Variants in SOX5 observed in about 807,000 individuals in gnomAD.
The protein encoded by SOX5 is SRY-box transcription factor 5.
In SOX5, 9 loss-of-function variants were observed where a neutral mutation model predicts 92.0. That is an observed-to-expected ratio of 0.10 (90% CI 0.06 to 0.17). The LOEUF (loss-of-function observed/expected upper bound fraction) is 0.17, where lower values mean the gene tolerates loss of function less well. Among genes scored for constraint, SOX5 ranks in the 10% least tolerant of loss-of-function variants. The pLI is 1.00. For synonymous variants in SOX5, 344 were observed against 336.3 expected, an observed-to-expected ratio of 1.02 and a Z score of -0.25; for missense variants, 642 against 944.5, an observed-to-expected ratio of 0.68 and a Z score of 4.20.
intron 1 of SOX5, among the ~76,000 whole-genome samples, chr12:24,528,647 C>T (rs370418195): frequency 6.6e-6 from 1 of 152,174 alleles, no homozygotes; most frequent in African/African-American, 2.4e-5. Flanking sequence ...ATTGCGAGAG[C>T]GCAGAATCGA....
At chr12:23,570,490 T>C (rs1455267600) in intron 10 of SOX5, among the ~76,000 whole-genome samples, 1 of 152,092 alleles carries the variant, frequency 6.6e-6, no homozygotes, top group East Asian at 1.9e-4. Flanking sequence ...ATTTTGCTTA[T>C]TAAAAACCTG....
intron 4 of SOX5, among the ~76,000 whole-genome samples, chr12:24,102,358 A>T (rs1355607513): frequency 6.6e-6 from 1 of 152,210 alleles, no homozygotes; most frequent in Non-Finnish European, 1.5e-5. Flanking sequence ...TCCCTGGAAA[A>T]TGTCTCTGCC....
chr12:24,004,649 G>A (rs1168748424), intron 4 of SOX5, among the ~76,000 whole-genome samples: 7 of 152,042 alleles, frequency 4.6e-5, no homozygotes, highest in Admixed American at 3.3e-4. Context: ...GGAAACCAGC[G>A]CCTGCATATA....
intron 1 of SOX5, among the ~76,000 whole-genome samples, chr12:23,944,747 T>A (rs896105370): frequency 6.6e-6 from 1 of 152,156 alleles, no homozygotes; most frequent in Non-Finnish European, 1.5e-5. Context: ...AAGACTTTGT[T>A]ATGTTTTTGT....
intron 1 of SOX5, among the ~76,000 whole-genome samples, chr12:24,414,300 T>C (rs2136835390): frequency 6.6e-6 from 1 of 152,326 alleles, no homozygotes; most frequent in Admixed American, 6.5e-5. Flanking sequence ...TGGTTAAATG[T>C]CTAAATTGCC....
intron 4 of SOX5, among the ~76,000 whole-genome samples, chr12:24,129,857 TAGA>T (rs748889217): frequency 2.0e-5 from 3 of 152,234 alleles, no homozygotes; most frequent in Non-Finnish European, 2.9e-5. Flanking sequence ...AAGCCAACGT[TAGA>T]GTTTTAGGTT....
At chr12:24,152,710 G>C (rs1156811904) in intron 4 of SOX5, among the ~76,000 whole-genome samples, 1 of 151,906 alleles carries the variant, frequency 6.6e-6, no homozygotes, top group Non-Finnish European at 1.5e-5. Flanking sequence ...ATTTGATAAA[G>C]GTTTTTGAAC....
rs1259581514 is a variant in SOX5 at position 23,604,436 on chromosome 12, G to A, written c.1115C>T (p.Thr372Ile). The change falls in exon 9 of 15, where the codon ACC (threonine) becomes ATC (isoleucine). Residue 372 changes from threonine (T) to isoleucine (I), a missense_variant. This residue lies in a region of SOX5 where 324 missense variants were observed against 461.6 expected (regional missense o/e 0.70). Transcript: ENST00000451604. ...QGNLGAAVSP[T>I]SIHTDKSTNS... ...TGTGCTCTTGTCTGTGTGAATGCTG[G>A]TAGGAGATACAGCAGCACCAAGGTT... 3 of 1,613,758 alleles carry A rather than the reference G, an allele frequency of 1.9e-6. No individual in the cohort carries two copies. Among genetic ancestry groups the A allele is most frequent in the South Asian group, 1.1e-5 (1 of 91,080 alleles).
intron 10 of SOX5, among the ~76,000 whole-genome samples, chr12:23,566,594 C>T (rs1212359968): frequency 1.3e-5 from 2 of 152,174 alleles, no homozygotes; most frequent in African/African-American, 4.8e-5. Context: ...TGTTTTGGAG[C>T]TGGGCAAGCC....
chr12:24,034,987 C>A (rs1417186265), intron 4 of SOX5, among the ~76,000 whole-genome samples: 1 of 152,040 alleles, frequency 6.6e-6, no homozygotes, highest in Non-Finnish European at 1.5e-5. Context: ...GAATGCTAAA[C>A]CCCAGAGTCT....
chr12:24,061,784 T>A (rs1939769452), intron 4 of SOX5, among the ~76,000 whole-genome samples: 1 of 151,414 alleles, frequency 6.6e-6, no homozygotes, highest in South Asian at 2.1e-4. Flanking sequence ...TTCTGTTTCC[T>A]CCTTTCAACA....
At chr12:23,735,230 C>A (rs1246276189) in intron 5 of SOX5, among the ~76,000 whole-genome samples, 1 of 152,076 alleles carries the variant, frequency 6.6e-6, no homozygotes, top group Non-Finnish European at 1.5e-5. Context: ...CTCATTACTG[C>A]CTCTCACAAG....
intron 4 of SOX5, among the ~76,000 whole-genome samples, chr12:24,061,519 T>C (rs1014370172): frequency 1.3e-5 from 2 of 151,984 alleles, no homozygotes; most frequent in African/African-American, 4.8e-5. Context: ...ACCAAGGCCC[T>C]ACTTTACTTA....
At chr12:24,126,413 A>T (rs1949109799) in intron 4 of SOX5, among the ~76,000 whole-genome samples, 1 of 152,182 alleles carries the variant, frequency 6.6e-6, no homozygotes, top group Admixed American at 6.5e-5. Context: ...ACCACGAAGC[A>T]CCCTGCAAAG....
intron 6 of SOX5, among the ~76,000 whole-genome samples, chr12:23,674,578 T>A (rs1403072737): frequency 9.2e-5 from 14 of 151,790 alleles, no homozygotes; most frequent in Non-Finnish European, 2.1e-4. Context: ...CCTCAGATGA[T>A]CCACCCTCCT....
In SOX5 at chr12:23,546,425, C is replaced by CT. The variant is rs1222124872; in HGVS notation, c.1489-2dup. 1 of 1,555,662 alleles carries CT rather than the reference C, an allele frequency of 6.4e-7. No homozygotes were observed. The highest frequency in any genetic ancestry group is 8.8e-7 in the Non-Finnish European group (1 of 1,133,564). On this transcript the variant is annotated splice_acceptor_variant, in intron 11 of 14. Transcript: ENST00000451604. LOFTEE classifies it high-confidence loss of function. ...TCAGACTCTCCAGTGTTGTTTTTTC[C>CT]TTTAAAAAAATTATAATGAGAGATC...
chr12:24,217,975 A>G, intron 3 of SOX5, among the ~76,000 whole-genome samples: 1 of 152,222 alleles, frequency 6.6e-6, no homozygotes, highest in East Asian at 1.9e-4. Context: ...ACAGATAATT[A>G]CAAGCACTGG....
At chr12:24,156,088 A>T (rs1419258114) in intron 4 of SOX5, among the ~76,000 whole-genome samples, 1 of 152,094 alleles carries the variant, frequency 6.6e-6, no homozygotes, top group African/African-American at 2.4e-5. Flanking sequence ...AGCACACATT[A>T]GGCTACTAAG....
intron 9 of SOX5, among the ~76,000 whole-genome samples, chr12:23,576,589 A>G (rs1461183008): frequency 6.6e-6 from 1 of 152,112 alleles, no homozygotes; most frequent in Non-Finnish European, 1.5e-5. Flanking sequence ...AGATCATGTG[A>G]TCAGTTCAGC....
Sources: gnomAD v4.1 joint callset for allele counts (sites outside exome capture counted in the v4.1 genomes callset) on GRCh38, gnomAD v4.1.1 for gene constraint, gnomAD v4.1.1 regional missense constraint, MANE v1.5 for transcripts, NCBI Gene and HGNC (gene_info 2026-07-23, HGNC 2026-07-21) for gene names.